ATXN1: variants seen among roughly 807,000 people sequenced by gnomAD.
ATXN1 encodes the protein ataxin-1.
A neutral mutation model predicts 56.4 loss-of-function variants in ATXN1; 8 were observed. That is an observed-to-expected ratio of 0.14 (90% CI 0.08 to 0.26). The LOEUF is 0.26. Among genes scored for constraint, ATXN1 ranks in the 10% least tolerant of loss-of-function variants. The pLI, the probability that ATXN1 is intolerant of heterozygous loss-of-function variation, is 1.00. For synonymous variants in ATXN1, 514 were observed against 494.6 expected, an observed-to-expected ratio of 1.04 and a Z score of -0.52; for missense variants, 987 against 1,106.5, an observed-to-expected ratio of 0.89 and a Z score of 1.53.
chr6:16,557,559 A>AT (rs1305883497), intron 4 of ATXN1, among the ~76,000 whole-genome samples: 1 of 152,206 alleles, frequency 6.6e-6, no homozygotes, highest in East Asian at 1.9e-4. Context: ...AAGAATGGCC[A>AT]TAACAATGAT....
intron 4 of ATXN1, among the ~76,000 whole-genome samples, chr6:16,540,009 T>G (rs1158531936): frequency 6.6e-6 from 1 of 152,184 alleles, no homozygotes; most frequent in East Asian, 1.9e-4. Context: ...AACAGAGTAC[T>G]GTTCGGAACT....
chr6:16,560,745 T>C (rs1338981807), intron 4 of ATXN1, among the ~76,000 whole-genome samples: 2 of 152,332 alleles, frequency 1.3e-5, no homozygotes, highest in East Asian at 1.9e-4. Context: ...TTTGATTCCC[T>C]TGAAGACACA....
intron 2 of ATXN1, among the ~76,000 whole-genome samples, chr6:16,698,243 G>A (rs1759207847): frequency 6.6e-6 from 1 of 152,190 alleles, no homozygotes; most frequent in Non-Finnish European, 1.5e-5. Context: ...ATTAGTGACT[G>A]TTGCTGAAGA....
At chr6:16,566,027 G>A (rs931499049) in intron 4 of ATXN1, among the ~76,000 whole-genome samples, 1 of 152,094 alleles carries the variant, frequency 6.6e-6, no homozygotes, top group Non-Finnish European at 1.5e-5. Flanking sequence ...TGGATGGTAG[G>A]GGGAGGGAAG....
At chr6:16,569,726 A>T (rs2113748841) in intron 4 of ATXN1, among the ~76,000 whole-genome samples, 1 of 152,148 alleles carries the variant, frequency 6.6e-6, no homozygotes, top group Non-Finnish European at 1.5e-5. Context: ...GTTTCCCTGT[A>T]CTCCTTGACA....
At chr6:16,307,017 C>T (rs1045084174) in intron 7 of ATXN1, among the ~76,000 whole-genome samples, 158 bp from the exon 8 acceptor site, 18 of 152,326 alleles carry the variant, frequency 1.2e-4, no homozygotes, top group African/African-American at 4.3e-4. Context: ...CCTCCCTCTC[C>T]CCCAGCCACA....
intron 6 of ATXN1, among the ~76,000 whole-genome samples, chr6:16,468,477 C>T (rs895054447): frequency 6.6e-6 from 1 of 152,224 alleles, no homozygotes; most frequent in Non-Finnish European, 1.5e-5. Context: ...GCGTGAGCCA[C>T]CATGCCTGGC....
At chr6:16,515,875 AG>A (rs1283035303) in intron 5 of ATXN1, among the ~76,000 whole-genome samples, 86 of 152,326 alleles carry the variant, frequency 5.6e-4, no homozygotes, top group African/African-American at 2.0e-3. Flanking sequence ...GAAGCATCCC[AG>A]ACAGGTTAAC....
In ATXN1 at chr6:16,730,487, G is replaced by GTGTATATATATATATATATA. The variant is rs141836403; in HGVS notation, c.-615+22745_-615+22746insTATATATATATATATATACA. On this transcript the variant is annotated intron_variant, in intron 2 of 7. Coordinates refer to ENST00000436367, the MANE Select transcript of ATXN1 (RefSeq NM_001128164.2). ...CTGGAGTTAAAGGGTAAAACAGTAT[G>GTGTATATATATATATATATA]TATATATATATATATATATAAATGT... Among the ~76,000 whole-genome samples the GTGTATATATATATATATATA allele has an allele frequency of 4.2e-3, 559 of 132,016 alleles. 25 individuals carry two copies. Among genetic ancestry groups the GTGTATATATATATATATATA allele is most frequent in the East Asian group, 0.012 (56 of 4,864 alleles). The allele number at this position is 132,016 out of a possible 152,430, so 86.6% of individuals were successfully genotyped here.
At chr6:16,480,789 G>A (rs1251729405) in intron 6 of ATXN1, among the ~76,000 whole-genome samples, 1 of 152,122 alleles carries the variant, frequency 6.6e-6, no homozygotes, top group Non-Finnish European at 1.5e-5. Context: ...ACAACGTCTG[G>A]GTGTTCTTTG....
chr6:16,497,547 C>T (rs1219832185), intron 5 of ATXN1, among the ~76,000 whole-genome samples: 1 of 152,176 alleles, frequency 6.6e-6, no homozygotes, highest in Non-Finnish European at 1.5e-5. Flanking sequence ...CATTCTTGTT[C>T]GTGTGACTTT....
chr6:16,325,562 G>A (rs1161272607), intron 7 of ATXN1, among the ~76,000 whole-genome samples: 1 of 152,056 alleles, frequency 6.6e-6, no homozygotes, highest in Non-Finnish European at 1.5e-5. Context: ...AAAGGCTGTT[G>A]TTTGCCACAT....
At position 16,327,226 on chromosome 6, in the gene ATXN1, A is replaced by G; in HGVS notation, c.1085T>C (p.Val362Ala). ...GTAGTCTGAGGGGCTCGGGTGGACC[A>G]CCACGTGCCTGGACTCGTACGGGTG... ...VPHPYESRHV[V>A]VHPSPSDYSS... The change falls in exon 7 of 8, where the codon GTG becomes GCG. Residue 362 changes from valine (V) to alanine (A), a missense_variant. By Grantham distance (64) the Val-to-Ala change is moderately conservative. Around this residue, in one of 3 missense-constraint regions of ATXN1, gnomAD observed 723 missense variants for 791.7 expected, o/e 0.91. Transcript: ENST00000436367. The G allele has an allele frequency of 6.2e-7, 1 of 1,613,524 alleles. No individual in the cohort carries two copies. The highest frequency in any genetic ancestry group is 2.2e-5 in the East Asian group (1 of 44,858).
At position 16,347,177 on chromosome 6, in the gene ATXN1, G is replaced by A. The variant is rs1761429958; in HGVS notation, c.-160-18707C>T. On this transcript the variant is annotated intron_variant, in intron 6 of 7. Transcript: ENST00000436367. ...GCCTCCCCGACGAGCGCCGCCCCCT[G>A]CTCCACAGCGCCCAGTCCCATCGAC... Among the ~76,000 whole-genome samples, 3 of 152,328 alleles carry A rather than the reference G, an allele frequency of 2.0e-5. No homozygotes were observed. The South Asian group carries it at 6.2e-4, about 32-fold the overall frequency.
At chr6:16,702,073 G>C (rs1759297414) in intron 2 of ATXN1, among the ~76,000 whole-genome samples, 1 of 151,908 alleles carries the variant, frequency 6.6e-6, no homozygotes. Context: ...CACACTACCT[G>C]ACTTCAAACT....
At chr6:16,564,738 A>G (rs532368737) in intron 4 of ATXN1, among the ~76,000 whole-genome samples, 11 of 152,306 alleles carry the variant, frequency 7.2e-5, no homozygotes, top group African/African-American at 2.4e-4. Flanking sequence ...GTGATTGCTG[A>G]TGGGTATGGG....
intron 2 of ATXN1, among the ~76,000 whole-genome samples, chr6:16,692,352 A>G (rs1759067337): frequency 6.6e-6 from 1 of 152,246 alleles, no homozygotes; most frequent in African/African-American, 2.4e-5. Flanking sequence ...GCCATATCAC[A>G]GTCACAAATT....
intron 4 of ATXN1, among the ~76,000 whole-genome samples, chr6:16,555,868 T>C (rs1256294356): frequency 6.6e-6 from 1 of 152,256 alleles, no homozygotes; most frequent in African/African-American, 2.4e-5. Context: ...TGTTTTGTTT[T>C]CCAGTTCTGC....
intron 6 of ATXN1, among the ~76,000 whole-genome samples, chr6:16,389,867 C>T (rs1758317414): frequency 6.6e-6 from 1 of 151,770 alleles, no homozygotes; most frequent in African/African-American, 2.4e-5. Flanking sequence ...GTGTCATGTG[C>T]AATGACATGA....
Sources: gnomAD v4.1 joint callset for allele counts (sites outside exome capture counted in the v4.1 genomes callset) on GRCh38, gnomAD v4.1.1 for gene constraint, gnomAD v4.1.1 regional missense constraint, MANE v1.5 for transcripts, NCBI Gene and HGNC (gene_info 2026-07-23, HGNC 2026-07-21) for gene names.